The following SLC35E4 variants were observed in gnomAD, a reference collection of about 807,000 sequenced individuals.
The protein encoded by SLC35E4 is solute carrier family 35, member E4.
In SLC35E4, 15 loss-of-function variants were observed where a neutral mutation model predicts 19.3. That is an observed-to-expected ratio of 0.78 (90% confidence interval 0.52 to 1.20). The LOEUF (loss-of-function observed/expected upper bound fraction) is 1.20, where lower values mean the gene tolerates loss of function less well. Ranked by LOEUF, SLC35E4 falls within the 50% of genes most tolerant of loss-of-function variation. SLC35E4 has a pLI of 0.00. For missense variants in SLC35E4, 406 were observed against 472.3 expected (o/e 0.86, Z 1.30); for synonymous variants, 219 against 219.9 (o/e 1.00, Z 0.04).
downstream of SLC35E4, chr22:30,664,097 G>T (rs2088570215): frequency 7.7e-6 from 9 of 1,169,824 alleles, no homozygotes; most frequent in Non-Finnish European, 1.1e-5. Flanking sequence ...AGAGGGAGAG[G>T]ATGTTTAGAG....
chr22:30,649,524 G>A (rs748839678), downstream of SLC35E4, among the ~76,000 whole-genome samples: 1 of 128,926 alleles, frequency 7.8e-6, no homozygotes, highest in South Asian at 2.4e-4. Context: ...TAGGAGGACC[G>A]GTATGGGGTT....
chr22:30,639,137 T>C lies in SLC35E4; in HGVS notation c.619+2068T>C, dbSNP rs1602071030. Among the ~76,000 whole-genome samples the C allele has an allele frequency of 2.6e-5, 4 of 151,892 alleles. No individual in the cohort carries two copies. In the South Asian group the frequency reaches 8.3e-4, roughly 31 times the overall value. On this transcript the variant is annotated intron_variant, in intron 1 of 1. Transcript: ENST00000343605. ...CCTAAGTGTCAGCTGGTCTGAGAAA[T>C]AAAGGGACAGAGTACAAAAGGGAGA...
Position 30,636,680 on chromosome 22 carries a change from G to C in SLC35E4, c.230G>C (p.Gly77Ala). ...TGGATCTTCACAGTGCACGGCTTTGGGCGGCCCCTGCTGCTGTCGGCCCTG... is the reference window on the plus strand; with the variant it reads ...TGGATCTTCACAGTGCACGGCTTTGCGCGGCCCCTGCTGCTGTCGGCCCTG... ...NKWIFTVHGF[G>A]RPLLLSALHM... is the part of the protein sequence containing the mutation. The change falls in exon 1 of 2, where the codon GGG becomes GCG. Residue 77 changes from glycine to alanine, a missense_variant. Physicochemically the swap from Gly to Ala is moderately conservative, Grantham distance 60. Coordinates refer to ENST00000343605, the MANE Select transcript of SLC35E4 (RefSeq NM_001001479.4). 1 of 1,611,950 alleles carries C rather than the reference G, an allele frequency of 6.2e-7. No individual in the cohort carries two copies. Among genetic ancestry groups the C allele is most frequent in the Non-Finnish European group, 8.5e-7 (1 of 1,179,102 alleles).
downstream of SLC35E4, among the ~76,000 whole-genome samples, chr22:30,648,509 T>C (rs1046060169): frequency 1.1e-4 from 17 of 152,154 alleles, no homozygotes; most frequent in African/African-American, 2.9e-4. Flanking sequence ...CCCAGTACTT[T>C]GGGAGGCCAA....
intron 1 of SLC35E4, 141 bp from the exon 2 acceptor site, chr22:30,646,455 CTG>C: frequency 1.0e-6 from 1 of 968,040 alleles, no homozygotes; most frequent in Non-Finnish European, 1.5e-6. Flanking sequence ...CAACTCTTGA[CTG>C]TCATGTTTCA....
In SLC35E4 at chr22:30,637,005, C is replaced by T; in HGVS notation, c.555C>T (p.Pro185=). Residue 185 remains proline, a synonymous_variant, in exon 1 of 2, where the codon CCC becomes CCT. Transcript: ENST00000343605. ...ACSLAGEFRT[P]PTGCGFLLAA... ...GCCTGGCTGGAGAGTTCCGGACACCCCCTACCGGCTGTGGCTTCCTGCTCG... is the reference window on the plus strand; with the variant it reads ...GCCTGGCTGGAGAGTTCCGGACACCTCCTACCGGCTGTGGCTTCCTGCTCG... The T allele has an allele frequency of 6.2e-7, 1 of 1,602,742 alleles. No individual in the cohort carries two copies. The highest frequency in any genetic ancestry group is 8.5e-7 in the Non-Finnish European group (1 of 1,172,354).
rs780482645 is a variant in SLC35E4 at position 30,636,809 on chromosome 22, C to T, written c.359C>T (p.Ser120Phe). The T allele has an allele frequency of 6.2e-7, 1 of 1,612,828 alleles. No individual in the cohort carries two copies. Among genetic ancestry groups the T allele is most frequent in the South Asian group, 1.1e-5 (1 of 90,918 alleles). ...CTGCTCAGTCTCACCTTTGGCACGTCCATGGCCTGCGGCAACGTGGGCCTA... is the reference window on the plus strand; with the variant it reads ...CTGCTCAGTCTCACCTTTGGCACGTTCATGGCCTGCGGCAACGTGGGCCTA... ...VLLLSLTFGT[S>F]MACGNVGLRA... Residue 120 changes from serine to phenylalanine, a missense_variant, in exon 1 of 2, where the codon TCC becomes TTC. Ser to Phe is a radical substitution (Grantham distance 155). Coordinates refer to ENST00000343605, the MANE Select transcript of SLC35E4 (RefSeq NM_001001479.4).
downstream of SLC35E4, among the ~76,000 whole-genome samples, chr22:30,652,665 G>A (rs1041877104): frequency 1.3e-5 from 2 of 152,224 alleles, no homozygotes; most frequent in East Asian, 1.9e-4. Context: ...GGGCATTCAC[G>A]TGGCTGTTGG....
chr22:30,651,171 C>T (rs910633635), downstream of SLC35E4, among the ~76,000 whole-genome samples: 2 of 151,500 alleles, frequency 1.3e-5, no homozygotes, highest in Non-Finnish European at 1.5e-5. Context: ...TGGAGGACCA[C>T]GAGAGGTTTT....
chr22:30,648,338 G>A (rs1428004773), downstream of SLC35E4, among the ~76,000 whole-genome samples: 1 of 151,986 alleles, frequency 6.6e-6, no homozygotes, highest in East Asian at 1.9e-4. Context: ...CCTGCTCACT[G>A]AAACCTTTGT....
intron 1 of SLC35E4, among the ~76,000 whole-genome samples, chr22:30,638,944 C>T (rs1027512678): frequency 7.2e-5 from 11 of 151,752 alleles, no homozygotes; most frequent in East Asian, 1.9e-4. Context: ...CCAGCCTGGG[C>T]GACAGAATGA....
At chr22:30,653,532 C>T (rs939992735) in intron 2 of SLC35E4, among the ~76,000 whole-genome samples, 6 of 151,934 alleles carry the variant, frequency 3.9e-5, no homozygotes, top group African/African-American at 1.2e-4. Context: ...CTACCATGCC[C>T]GGCTAATTTT....
intron 2 of SLC35E4, among the ~76,000 whole-genome samples, chr22:30,658,455 G>A (rs562044746): frequency 5.3e-5 from 8 of 151,870 alleles, no homozygotes; most frequent in African/African-American, 1.7e-4. Flanking sequence ...CTGACAAAGC[G>A]GAATCCTTTC....
At chr22:30,661,000 C>T (rs758225817) in intron 2 of SLC35E4, among the ~76,000 whole-genome samples, 16 of 152,118 alleles carry the variant, frequency 1.1e-4, no homozygotes, top group African/African-American at 1.4e-4. Flanking sequence ...CTTGCCACTA[C>T]GCCCTGCTTT....
At chr22:30,650,084 T>C (rs1310794192), downstream of SLC35E4, among the ~76,000 whole-genome samples, 2 of 149,280 alleles carry the variant, frequency 1.3e-5, no homozygotes, top group African/African-American at 2.5e-5. Flanking sequence ...GTAATCCCAG[T>C]ACTTTGGGAG....
At chr22:30,645,746 G>A (rs1200834865) in intron 1 of SLC35E4, among the ~76,000 whole-genome samples, 1 of 151,786 alleles carries the variant, frequency 6.6e-6, no homozygotes, top group Admixed American at 6.6e-5. Context: ...GCCTTCCTCT[G>A]GGCTCAAGTG....
Position 30,636,475 on chromosome 22 carries a change from C to G in SLC35E4, c.25C>G (p.His9Asp). 6.6e-7 allele frequency: 1 copy of G among 1,511,984 alleles called. No homozygotes were observed. The highest frequency in any genetic ancestry group is 8.9e-7 in the Non-Finnish European group (1 of 1,123,598). The allele number at this position is 1,511,984 out of a possible 1,614,324, so 93.7% of individuals were successfully genotyped here. MCRCPPEH[H>D]DGRMTSAEVG... ...GATGTGCCGCTGCCCGCCGGAGCAC[C>G]ATGATGGCAGGATGACCTCAGCCGA... Residue 9 changes from histidine (H) to aspartate (D), a missense_variant, in exon 1 of 2, where the codon CAT (histidine) becomes GAT (aspartate). By Grantham distance (81) the His-to-Asp change is moderately conservative (BLOSUM62 -1). Coordinates refer to ENST00000343605, the MANE Select transcript of SLC35E4 (RefSeq NM_001001479.4).
chr22:30,640,393 AG>A (rs1387502161), intron 1 of SLC35E4, among the ~76,000 whole-genome samples: 1 of 151,496 alleles, frequency 6.6e-6, no homozygotes, highest in Non-Finnish European at 1.5e-5. Context: ...AAAAGAAGAA[AG>A]AAAGAAAGAA....
intron 1 of SLC35E4, among the ~76,000 whole-genome samples, chr22:30,639,584 A>C (rs1319983465): frequency 6.6e-6 from 1 of 152,164 alleles, no homozygotes; most frequent in Non-Finnish European, 1.5e-5. Flanking sequence ...GCCGCCCCCC[A>C]GAAGCAGCCA....
Sources: gnomAD v4.1 joint callset for allele counts (sites outside exome capture counted in the v4.1 genomes callset) on GRCh38, gnomAD v4.1.1 for gene constraint, MANE v1.5 for transcripts, NCBI Gene and HGNC (gene_info 2026-07-23, HGNC 2026-07-21) for gene names.